ABTB3: variants seen among roughly 807,000 people sequenced by gnomAD.
ABTB3 encodes the protein ankyrin repeat and BTB domain containing 3.
At chr12:107,579,616 G>A in the ABTB3 span, among the ~76,000 whole-genome samples, 1 of 152,198 alleles carries the variant, frequency 6.6e-6, no homozygotes, top group African/African-American at 2.4e-5. Flanking sequence ...AAAACTTTCT[G>A]GGAAGCTCAT....
chr12:107,494,007 G>T, the ABTB3 span, among the ~76,000 whole-genome samples: 3 of 152,244 alleles, frequency 2.0e-5, no homozygotes, highest in Admixed American at 2.0e-4. Flanking sequence ...TTATGACAGT[G>T]CTTGGAAGCT....
chr12:107,656,151 A>T, the ABTB3 span, among the ~76,000 whole-genome samples: 1 of 150,976 alleles, frequency 6.6e-6, no homozygotes, highest in South Asian at 2.1e-4. Flanking sequence ...AAAAAAAAAA[A>T]ATAGCCGGAC....
chr12:107,522,883 G>A, the ABTB3 span, among the ~76,000 whole-genome samples: 1 of 151,986 alleles, frequency 6.6e-6, no homozygotes, highest in Non-Finnish European at 1.5e-5. Flanking sequence ...ATCAAGGTTG[G>A]GGTGTCCCAA....
chr12:107,610,388 A>G, the ABTB3 span: 2 of 1,606,710 alleles, frequency 1.2e-6, no homozygotes, highest in Non-Finnish European at 1.7e-6. Flanking sequence ...CAGGCTCCCC[A>G]CCTCCTCCAT....
the ABTB3 span, among the ~76,000 whole-genome samples, chr12:107,488,486 T>G: frequency 2.0e-3 from 299 of 152,206 alleles, no homozygotes; most frequent in African/African-American, 6.6e-3. Flanking sequence ...GCTTGTAAAG[T>G]GTTTAACCCA....
the ABTB3 span, among the ~76,000 whole-genome samples, chr12:107,543,583 A>C: frequency 6.6e-6 from 1 of 152,118 alleles, no homozygotes; most frequent in African/African-American, 2.4e-5. Context: ...CAGTTAAAGC[A>C]GTGTTGGCCA....
the ABTB3 span, among the ~76,000 whole-genome samples, chr12:107,326,262 T>A: frequency 1.6e-4 from 24 of 152,326 alleles, no homozygotes; most frequent in Admixed American, 5.9e-4. Flanking sequence ...CAATAGAAAT[T>A]CATTTCTTAT....
chr12:107,321,457 G>C, the ABTB3 span, among the ~76,000 whole-genome samples: 1 of 152,162 alleles, frequency 6.6e-6, no homozygotes, highest in African/African-American at 2.4e-5. Flanking sequence ...GGAGGGGAAG[G>C]AAGGAGCAAA....
the ABTB3 span, among the ~76,000 whole-genome samples, chr12:107,482,973 T>TTTCC: frequency 5.6e-5 from 4 of 70,906 alleles, no homozygotes; most frequent in African/African-American, 1.7e-4. Context: ...TCTTTCTTTC[T>TTTCC]TTCTTTCTTT....
the ABTB3 span, among the ~76,000 whole-genome samples, chr12:107,488,672 A>G: frequency 6.7e-6 from 1 of 149,730 alleles, no homozygotes; most frequent in Non-Finnish European, 1.5e-5. Context: ...GTATATATAT[A>G]TAAAATATTA....
chr12:107,365,621 A>G, the ABTB3 span, among the ~76,000 whole-genome samples: 171 of 152,230 alleles, frequency 1.1e-3, 2 homozygotes, highest in East Asian at 0.021. Context: ...GTCATTTGCT[A>G]TGACCCCCAA....
chr12:107,508,537 C>A, the ABTB3 span, among the ~76,000 whole-genome samples: 3 of 145,310 alleles, frequency 2.1e-5, no homozygotes, highest in African/African-American at 7.5e-5. Flanking sequence ...TCATTGCAAC[C>A]TCCACCTCCG....
chr12:107,479,077 C>T, the ABTB3 span, among the ~76,000 whole-genome samples: 1 of 152,160 alleles, frequency 6.6e-6, no homozygotes, highest in African/African-American at 2.4e-5. Context: ...AATTGTGCTG[C>T]ATACATTTAC....
At chr12:107,546,796 C>A in the ABTB3 span, among the ~76,000 whole-genome samples, 1 of 152,124 alleles carries the variant, frequency 6.6e-6, no homozygotes, top group Non-Finnish European at 1.5e-5. Context: ...ACCCAGGAGG[C>A]GGAGGTAGCA....
the ABTB3 span, among the ~76,000 whole-genome samples, chr12:107,331,114 G>A: frequency 2.0e-5 from 3 of 151,952 alleles, no homozygotes; most frequent in East Asian, 3.9e-4. Context: ...AGAGTCATGA[G>A]GTGCACAAGA....
chr12:107,442,139 A>G, the ABTB3 span, among the ~76,000 whole-genome samples: 1 of 152,214 alleles, frequency 6.6e-6, no homozygotes, highest in East Asian at 1.9e-4. Flanking sequence ...CAGGGCAGCG[A>G]CGAGTCTCTG....
chr12:107,527,907 C>T, the ABTB3 span, among the ~76,000 whole-genome samples: 4 of 152,174 alleles, frequency 2.6e-5, no homozygotes, highest in Admixed American at 2.6e-4. Flanking sequence ...GTTTCCTCAT[C>T]TGTGCTGTGT....
chr12:107,384,157 G>A, the ABTB3 span, among the ~76,000 whole-genome samples: 68 of 152,308 alleles, frequency 4.5e-4, 1 homozygote, highest in Admixed American at 3.0e-3. Context: ...TGAGCACCAA[G>A]TCATGTTCCA....
chr12:107,507,785 C>T, the ABTB3 span, among the ~76,000 whole-genome samples: 16,516 of 152,194 alleles, frequency 0.11, 1,291 homozygotes, highest in East Asian at 0.25. Flanking sequence ...TTCCCCACCC[C>T]CTAGCCAGGT....
Sources: allele counts gnomAD v4.1 joint callset (sites outside exome capture counted in the v4.1 genomes callset), GRCh38; gene constraint gnomAD v4.1.1; transcripts MANE v1.5; gene names NCBI Gene and HGNC (gene_info 2026-07-23, HGNC 2026-07-21).